Variants in NAV2 observed in about 807,000 individuals in gnomAD.
The protein encoded by NAV2 is helicase, APC down-regulated 1.
A neutral mutation model predicts 223.2 loss-of-function variants in NAV2; 54 were observed. The observed-to-expected ratio is 0.24, with a 90% CI of 0.19 to 0.30. NAV2 has a LOEUF of 0.30. Ranked by LOEUF, NAV2 falls within the 10% of genes least tolerant of loss-of-function variation. The pLI, the probability that NAV2 is intolerant of heterozygous loss-of-function variation, is 1.00. For synonymous variants in NAV2, 1,279 were observed against 1,239.3 expected (o/e 1.03, Z -0.67); for missense variants, 2,806 against 3,147.5 (o/e 0.89, Z 2.60).
At position 19,823,596 on chromosome 11, in the gene NAV2, C is replaced by T. The variant is rs148269185; in HGVS notation, c.268-8888C>T. Among the ~76,000 whole-genome samples the T allele has an allele frequency of 9.5e-3, 1,440 of 152,278 alleles. 22 individuals are homozygous for T. The highest frequency in any genetic ancestry group is 0.033 in the African/African-American group (1,365 of 41,538). ...GCTCAAGCAATCTGACTGCTTCAGC[C>T]TCCCAAAGTGCTGGGATTACAGGTG... On this transcript the variant is annotated intron_variant, in intron 1 of 37. Transcript: ENST00000349880.
intron 1 of NAV2, among the ~76,000 whole-genome samples, chr11:19,564,190 C>T (rs1487195): frequency 2.0e-5 from 3 of 152,066 alleles, no homozygotes; most frequent in East Asian, 1.9e-4. Context: ...TGACAAGAGC[C>T]ACCAGCAGGG....
rs1294240953 is a variant in NAV2, at chr11:19,955,984, A to T, written c.2645+6904A>T. Among the ~76,000 whole-genome samples the T allele has an allele frequency of 2.0e-5, 3 of 152,100 alleles. No homozygotes were observed. The South Asian group carries it at 6.2e-4, about 32-fold the overall frequency. ...GCAGGCATCTCGAGATTTGGAAAGG[A>T]TAGATTCTCGTTTCTCTAGGCCGAT... is the stretch of plus-strand genomic sequence containing the variant. On this transcript the variant is annotated intron_variant, in intron 10 of 37. Coordinates refer to ENST00000349880, the MANE Select transcript of NAV2 (RefSeq NM_145117.5).
At chr11:19,779,709 G>A (rs1015322662) in intron 1 of NAV2, among the ~76,000 whole-genome samples, 1 of 152,222 alleles carries the variant, frequency 6.6e-6, no homozygotes, top group Non-Finnish European at 1.5e-5. Flanking sequence ...AGAGTTGGAA[G>A]CATGTTTGTC....
At chr11:19,666,274 G>A (rs1470288522) in intron 1 of NAV2, among the ~76,000 whole-genome samples, 1 of 152,194 alleles carries the variant, frequency 6.6e-6, no homozygotes, top group Non-Finnish European at 1.5e-5. Flanking sequence ...AGTTGCTTTA[G>A]GGTGGGGCCC....
At chr11:19,539,749 A>AT (rs1422864151) in intron 1 of NAV2, among the ~76,000 whole-genome samples, 11 of 152,308 alleles carry the variant, frequency 7.2e-5, no homozygotes, top group Admixed American at 2.6e-4. Flanking sequence ...TTTTCATTGC[A>AT]TACTGAATTT....
intron 3 of NAV2, among the ~76,000 whole-genome samples, chr11:19,864,575 A>G (rs370418346): frequency 1.3e-5 from 2 of 151,988 alleles, no homozygotes; most frequent in African/African-American, 4.8e-5. Context: ...GATTTTTCTA[A>G]CTCCCTGGCT....
rs996900212 is a variant in NAV2 at position 19,911,031 on chromosome 11, ATTTTT to A, written c.931+18452_931+18456del. Among the ~76,000 whole-genome samples the A allele has an allele frequency of 1.3e-3, 159 of 123,392 alleles. 5 individuals carry two copies. In the South Asian group the frequency reaches 0.038, roughly 30 times the overall value. The allele number at this position is 123,392 out of a possible 152,430, so 80.9% of individuals were successfully genotyped here. On this transcript the variant is annotated intron_variant, in intron 6 of 37. Coordinates refer to ENST00000349880, the MANE Select transcript of NAV2 (RefSeq NM_145117.5). Reference sequence around the variant, plus strand: ...TACAGTATCATCATTTTGCAAGCACATTTTTTTTTTTTTTTTTTTGGTCTTGATTT... The same window carrying A: ...TACAGTATCATCATTTTGCAAGCACATTTTTTTTTTTTTTGGTCTTGATTT...
intron 19 of NAV2, among the ~76,000 whole-genome samples, chr11:20,059,522 T>TGTGTTGACTGAATGAAG (rs1291241692): frequency 5.5e-4 from 84 of 152,218 alleles, no homozygotes; most frequent in African/African-American, 2.0e-3. Context: ...GTTGTGCCCA[T>TGTGTTGACTGAATGAAG]GTGTTGACTG....
At chr11:20,031,509 T>A (rs112816479) in intron 11 of NAV2, among the ~76,000 whole-genome samples, 107 of 152,334 alleles carry the variant, frequency 7.0e-4, no homozygotes, top group African/African-American at 2.4e-3. Flanking sequence ...GTATGCCAAG[T>A]GACAAAAAGC....
At chr11:19,854,093 A>T (rs1232988152) in intron 3 of NAV2, among the ~76,000 whole-genome samples, 1 of 152,240 alleles carries the variant, frequency 6.6e-6, no homozygotes, top group Non-Finnish European at 1.5e-5. Flanking sequence ...ATGGTGATTT[A>T]TAACCGTGTG....
intron 1 of NAV2, among the ~76,000 whole-genome samples, chr11:19,594,592 A>G (rs2046155421): frequency 6.6e-6 from 1 of 152,134 alleles, no homozygotes; most frequent in African/African-American, 2.4e-5. Flanking sequence ...AATTGAGTGC[A>G]AATAATTTCC....
At chr11:19,666,149 G>T (rs1283213703) in intron 1 of NAV2, among the ~76,000 whole-genome samples, 1 of 152,198 alleles carries the variant, frequency 6.6e-6, no homozygotes, top group African/African-American at 2.4e-5. Flanking sequence ...ATCAGTGTAA[G>T]AATTTGAATC....
At chr11:19,814,831 ATTC>A (rs951773785) in intron 1 of NAV2, among the ~76,000 whole-genome samples, 16 of 152,140 alleles carry the variant, frequency 1.1e-4, no homozygotes, top group Admixed American at 2.6e-4. Context: ...TTCTTAGCCT[ATTC>A]TTCTTGTAAA....
intron 20 of NAV2, among the ~76,000 whole-genome samples, chr11:20,064,481 G>T (rs1360787642): frequency 6.6e-6 from 1 of 152,292 alleles, no homozygotes; most frequent in Non-Finnish European, 1.5e-5. Flanking sequence ...ACACAGAGGG[G>T]AGTGGGTTTT....
chr11:19,804,533 T>A (rs1313205846), intron 1 of NAV2, among the ~76,000 whole-genome samples: 1 of 152,222 alleles, frequency 6.6e-6, no homozygotes, highest in Non-Finnish European at 1.5e-5. Context: ...CATATTGTGA[T>A]AACCAGGACA....
chr11:19,895,104 C>CTTTTTT lies in NAV2; in HGVS notation c.931+2528_931+2533dup, dbSNP rs71050690. 5.3e-3 allele frequency among the ~76,000 whole-genome samples: 524 copies of CTTTTTT among 99,220 alleles called. 3 individuals are homozygous for CTTTTTT. The highest frequency in any genetic ancestry group is 7.6e-3 in the Middle Eastern group (1 of 132). 65.1% of individuals were successfully genotyped at this position (99,220 alleles called of 152,430 possible). On this transcript the variant is annotated intron_variant, in intron 6 of 37. Transcript: ENST00000349880. ...CTTTCTTTTCTTTTTCTTTTTCTTT[C>CTTTTTT]TTTTTTTTTTTTTTTTTTTTTTTGA...
intron 3 of NAV2, among the ~76,000 whole-genome samples, chr11:19,864,329 G>A (rs1002990390): frequency 3.9e-5 from 6 of 152,094 alleles, no homozygotes; most frequent in South Asian, 2.1e-4. Flanking sequence ...ATTTTCATGC[G>A]CTTTGCACTC....
At chr11:19,398,556 A>G (rs527871405) in intron 1 of NAV2, among the ~76,000 whole-genome samples, 1 of 151,488 alleles carries the variant, frequency 6.6e-6, no homozygotes, top group South Asian at 2.1e-4. Context: ...CCCCGCTTAC[A>G]CTCTGGCTTG....
intron 1 of NAV2, among the ~76,000 whole-genome samples, chr11:19,586,023 G>A (rs1038690489): frequency 6.6e-6 from 1 of 152,204 alleles, no homozygotes; most frequent in Non-Finnish European, 1.5e-5. Context: ...ACACCAATCA[G>A]ATGTAGATTT....
Sources: allele counts gnomAD v4.1 joint callset (sites outside exome capture counted in the v4.1 genomes callset), GRCh38; gene constraint gnomAD v4.1.1; transcripts MANE v1.5; gene names NCBI Gene and HGNC (gene_info 2026-07-23, HGNC 2026-07-21).